The following XIRP2 variants were observed in gnomAD, a reference collection of about 807,000 sequenced individuals.
The protein encoded by XIRP2 is xin actin binding repeat containing 2, also known as xin actin-binding repeat-containing protein 2.
In XIRP2, 236 loss-of-function variants were observed where a neutral mutation model predicts 277.0. The ratio of observed to expected loss-of-function variants is 0.85; its 90% CI spans 0.77 to 0.95. The LOEUF (loss-of-function observed/expected upper bound fraction) is 0.95. XIRP2 is among the 40% of genes least tolerant of loss of function. The pLI, the probability that XIRP2 is intolerant of heterozygous loss-of-function variation, is 0.00. For synonymous variants in XIRP2, 1,490 were observed against 1,416.5 expected (o/e 1.05, Z -1.17); for missense variants, 4,640 against 4,157.5 (o/e 1.12, Z -3.19).
intron 3 of XIRP2, among the ~76,000 whole-genome samples, chr2:167,154,418 T>C (rs1205024445): frequency 6.6e-6 from 1 of 151,018 alleles, no homozygotes; most frequent in Non-Finnish European, 1.5e-5. Flanking sequence ...TTTAATTAGA[T>C]CCCATTTGTC....
intron 2 of XIRP2, among the ~76,000 whole-genome samples, chr2:167,121,958 CA>C (rs1487220557): frequency 6.6e-6 from 1 of 152,108 alleles, no homozygotes; most frequent in Non-Finnish European, 1.5e-5. Flanking sequence ...TCTCAAAGCT[CA>C]AATAGCAGCA....
At chr2:167,257,033 T>G (rs1695674728) in intron 10 of XIRP2, among the ~76,000 whole-genome samples, 1 of 151,952 alleles carries the variant, frequency 6.6e-6, no homozygotes, top group South Asian at 2.1e-4. Context: ...CTATTGGAGA[T>G]CACAAATCTC....
chr2:166,931,885 T>G (rs553578612), intron 2 of XIRP2, among the ~76,000 whole-genome samples: 1 of 152,302 alleles, frequency 6.6e-6, no homozygotes, highest in South Asian at 2.1e-4. Context: ...TACATTTCCA[T>G]CATCAGTGGG....
chr2:166,966,900 C>G (rs66727107), intron 2 of XIRP2, among the ~76,000 whole-genome samples: 1 of 151,808 alleles, frequency 6.6e-6, no homozygotes, highest in African/African-American at 2.4e-5. Flanking sequence ...GCAACATCAA[C>G]ATCACTTAGA....
At chr2:167,024,116 T>C (rs1468916117) in intron 2 of XIRP2, among the ~76,000 whole-genome samples, 1 of 117,024 alleles carries the variant, frequency 8.5e-6, no homozygotes, top group Non-Finnish European at 1.6e-5. Flanking sequence ...TTTGTTTGTA[T>C]CCTTTATTTC....
intron 2 of XIRP2, among the ~76,000 whole-genome samples, chr2:167,087,985 A>G (rs1346783843): frequency 6.6e-6 from 1 of 152,116 alleles, no homozygotes; most frequent in Non-Finnish European, 1.5e-5. Flanking sequence ...ATTTTCATGA[A>G]TTAAATTTAA....
intron 3 of XIRP2, among the ~76,000 whole-genome samples, chr2:167,197,488 A>C (rs1490501262): frequency 6.6e-6 from 1 of 152,128 alleles, no homozygotes; most frequent in Non-Finnish European, 1.5e-5. Context: ...CTATCAGTTT[A>C]CTTCTCGGTG....
intron 3 of XIRP2, among the ~76,000 whole-genome samples, chr2:167,182,046 C>A (rs960231326): frequency 6.6e-6 from 1 of 152,058 alleles, no homozygotes; most frequent in African/African-American, 2.4e-5. Context: ...GAGTCATATG[C>A]CCAAAGACCT....
intron 8 of XIRP2, 81 bp from the exon 9 acceptor site, chr2:167,242,488 A>T: frequency 6.9e-7 from 1 of 1,441,632 alleles, no homozygotes; most frequent in Non-Finnish European, 9.4e-7. Context: ...GGTCCAGGTT[A>T]CAGACCAATG....
At chr2:167,176,063 G>T (rs1237135053) in intron 3 of XIRP2, among the ~76,000 whole-genome samples, 1 of 152,148 alleles carries the variant, frequency 6.6e-6, no homozygotes, top group Non-Finnish European at 1.5e-5. Context: ...TTCCATGGGG[G>T]TGGGATCTGC....
At chr2:167,252,530 C>T (rs1285640111) in intron 9 of XIRP2, among the ~76,000 whole-genome samples, 1 of 151,880 alleles carries the variant, frequency 6.6e-6, no homozygotes, top group African/African-American at 2.4e-5. Flanking sequence ...TTTTTTCTAA[C>T]TGATTTTTTT....
intron 3 of XIRP2, among the ~76,000 whole-genome samples, chr2:167,170,115 T>C (rs1309883983): frequency 6.6e-6 from 1 of 152,204 alleles, no homozygotes; most frequent in African/African-American, 2.4e-5. Flanking sequence ...TATTGAATGC[T>C]GCCAAGTACG....
chr2:167,130,982 G>A (rs182660136), intron 2 of XIRP2, among the ~76,000 whole-genome samples: 1 of 152,020 alleles, frequency 6.6e-6, no homozygotes, highest in East Asian at 1.9e-4. Flanking sequence ...CACTGCCACA[G>A]TCATCTTTAG....
At chr2:166,896,017 T>C (rs1684231933) in intron 1 of XIRP2, among the ~76,000 whole-genome samples, 1 of 152,192 alleles carries the variant, frequency 6.6e-6, no homozygotes, top group Non-Finnish European at 1.5e-5. Flanking sequence ...AGACTGCATC[T>C]GTGGATGTTA....
At chr2:166,905,497 T>C (rs937865918) in intron 2 of XIRP2, among the ~76,000 whole-genome samples, 2 of 151,932 alleles carry the variant, frequency 1.3e-5, no homozygotes, top group Admixed American at 6.6e-5. Context: ...ATCTAGTAAC[T>C]ATAAAAATAA....
intron 2 of XIRP2, among the ~76,000 whole-genome samples, chr2:167,128,456 T>G (rs1347076565): frequency 6.6e-6 from 1 of 152,090 alleles, no homozygotes; most frequent in African/African-American, 2.4e-5. Context: ...GTTGGCGAGC[T>G]GGGAAACCCG....
chr2:167,142,347 A>T (rs1052766649), intron 3 of XIRP2, among the ~76,000 whole-genome samples: 2 of 152,094 alleles, frequency 1.3e-5, no homozygotes, highest in African/African-American at 4.8e-5. Flanking sequence ...CAGGAGTTTG[A>T]GACCAGCCTG....
intron 2 of XIRP2, among the ~76,000 whole-genome samples, chr2:167,093,274 T>TTATATATA (rs143899442): frequency 6.6e-6 from 1 of 150,406 alleles, no homozygotes; most frequent in African/African-American, 2.4e-5. Context: ...GTATGTTTGA[T>TTATATATA]TATATATATA....
intron 2 of XIRP2, among the ~76,000 whole-genome samples, chr2:167,089,273 T>TA (rs1690071976): frequency 1.3e-5 from 2 of 152,138 alleles, no homozygotes; most frequent in South Asian, 4.1e-4. Context: ...AACTCATTAT[T>TA]AGAGATTTTT....
Sources: gnomAD v4.1 joint callset for allele counts (sites outside exome capture counted in the v4.1 genomes callset) on GRCh38, gnomAD v4.1.1 for gene constraint, MANE v1.5 for transcripts, NCBI Gene and HGNC (gene_info 2026-07-23, HGNC 2026-07-21) for gene names.